The following IFRD1 variants were observed in gnomAD, a reference collection of about 807,000 sequenced individuals.
IFRD1 encodes the protein interferon-related developmental regulator 1.
A neutral mutation model predicts 52.9 loss-of-function variants in IFRD1; 35 were observed. That is an observed-to-expected ratio of 0.66 (90% CI 0.51 to 0.88). The LOEUF is 0.88. Ranked by LOEUF, IFRD1 falls within the 40% of genes least tolerant of loss-of-function variation. The pLI is 0.00. For missense variants in IFRD1, 517 were observed against 550.8 expected, an observed-to-expected ratio of 0.94 and a Z score of 0.61; for synonymous variants, 184 against 188.4, an observed-to-expected ratio of 0.98 and a Z score of 0.19.
intron 9 of IFRD1, among the ~76,000 whole-genome samples, chr7:112,471,837 C>T (rs1795755655): frequency 6.6e-6 from 1 of 152,072 alleles, no homozygotes; most frequent in South Asian, 2.1e-4. Context: ...ATCATTTCAC[C>T]CCCTGCTTGT....
At chr7:112,466,137 G>A (rs1396250866) in intron 8 of IFRD1, among the ~76,000 whole-genome samples, 1 of 151,772 alleles carries the variant, frequency 6.6e-6, no homozygotes, top group Non-Finnish European at 1.5e-5. Context: ...TTTCTTATTT[G>A]TCCCAGAGTG....
At chr7:112,473,505 A>G (rs1584505055) in intron 11 of IFRD1, among the ~76,000 whole-genome samples, 1 of 152,038 alleles carries the variant, frequency 6.6e-6, no homozygotes, top group South Asian at 2.1e-4. Flanking sequence ...GCTCACTGCA[A>G]CCTCTGCCTC....
chr7:112,423,986 A>T (rs1045741235), intron 1 of IFRD1, among the ~76,000 whole-genome samples: 1 of 152,186 alleles, frequency 6.6e-6, no homozygotes, highest in Non-Finnish European at 1.5e-5. Context: ...CGAGAGCGGG[A>T]TCTGTTATAA....
At chr7:112,454,857 GTTTTTTTTTTT>G (rs398005875) in intron 1 of IFRD1, among the ~76,000 whole-genome samples, 100 of 78,798 alleles carry the variant, frequency 1.3e-3, no homozygotes, top group Non-Finnish European at 1.8e-3. Context: ...CTTCATATCA[GTTTTTTTTTTT>G]TTTTTTTTTT....
chr7:112,423,455 T>A (rs533362849), intron 1 of IFRD1: 9 of 152,354 alleles, frequency 5.9e-5, no homozygotes, highest in African/African-American at 2.2e-4. Context: ...TCCATTTGCA[T>A]ATGAGAAAAC....
chr7:112,462,486 A>C, intron 8 of IFRD1, 108 bp downstream of exon 8: 9 of 771,020 alleles, frequency 1.2e-5, no homozygotes, highest in Middle Eastern at 2.3e-4. Context: ...GGCCAGCTTG[A>C]GAACCCAGTG....
chr7:112,468,489 C>T (rs1289551774), intron 9 of IFRD1, among the ~76,000 whole-genome samples: 3 of 151,994 alleles, frequency 2.0e-5, no homozygotes, highest in Non-Finnish European at 4.4e-5. Context: ...GACTCCAACC[C>T]AGCTTGATTG....
upstream of IFRD1, among the ~76,000 whole-genome samples, chr7:112,446,587 G>A (rs560340830): frequency 6.6e-6 from 1 of 152,192 alleles, no homozygotes; most frequent in African/African-American, 2.4e-5. Context: ...TAGGTGGGGT[G>A]AGGATGCGAC....
chr7:112,436,181 C>T (rs931193562), intron 1 of IFRD1, among the ~76,000 whole-genome samples: 6 of 151,942 alleles, frequency 3.9e-5, no homozygotes, highest in Non-Finnish European at 5.9e-5. Context: ...CGTGCCAGTC[C>T]GAATATTTTT....
chr7:112,468,883 T>C (rs1795680581), intron 9 of IFRD1, among the ~76,000 whole-genome samples: 1 of 152,254 alleles, frequency 6.6e-6, no homozygotes, highest in Non-Finnish European at 1.5e-5. Context: ...AAAATCATTA[T>C]CTGATGCTTG....
chr7:112,451,395 C>T (rs1290474164), intron 1 of IFRD1, among the ~76,000 whole-genome samples: 2 of 152,174 alleles, frequency 1.3e-5, no homozygotes, highest in Non-Finnish European at 2.9e-5. Context: ...GTGCTCCTTC[C>T]CCTAACTGGC....
chr7:112,448,757 G>C (rs78703630), upstream of IFRD1, among the ~76,000 whole-genome samples: 393 of 152,330 alleles, frequency 2.6e-3, 3 homozygotes, highest in African/African-American at 8.7e-3. Context: ...GAGTGTCAAA[G>C]AGTTGTGAGG....
chr7:112,464,943 G>GT (rs990816510), intron 8 of IFRD1, among the ~76,000 whole-genome samples: 8 of 152,188 alleles, frequency 5.3e-5, no homozygotes, highest in East Asian at 1.9e-4. Context: ...CATTCTTCTT[G>GT]TTTTTTTGCC....
intron 11 of IFRD1, 69 bp from the exon 12 acceptor site, chr7:112,475,361 A>G (rs1795873619): frequency 3.5e-6 from 3 of 845,774 alleles, no homozygotes; most frequent in Non-Finnish European, 6.0e-6. Flanking sequence ...TGTGACTTTT[A>G]CCCTTTTTCT....
intron 5 of IFRD1, among the ~76,000 whole-genome samples, chr7:112,460,459 C>T (rs1419263225): frequency 2.6e-5 from 4 of 151,826 alleles, no homozygotes; most frequent in Non-Finnish European, 5.9e-5. Context: ...CCCAGGCTGG[C>T]CTTGAGCTCC....
At position 112,455,859 on chromosome 7, in the gene IFRD1, C is replaced by G. The variant is rs375707852; in HGVS notation, c.191C>G (p.Ala64Gly). 2.6e-5 allele frequency: 41 copies of G among 1,604,518 alleles called. No homozygotes were observed. Among genetic ancestry groups the G allele is most frequent in the Non-Finnish European group, 6.0e-6 (7 of 1,171,464 alleles). Residue 64 changes from alanine (A) to glycine (G), a missense_variant, in exon 2 of 12, where the codon GCT (alanine) becomes GGT (glycine). Physicochemically the swap from Ala to Gly is moderately conservative, Grantham distance 60. Coordinates refer to ENST00000403825, the MANE Select transcript of IFRD1 (RefSeq NM_001550.4). ...CSGYSDPSSF[A>G]EDGPEVLDEE... The stretch of plus-strand genomic sequence containing the variant: ...GGTTATAGCGATCCTTCCAGTTTTG[C>G]TGAAGATGGTATGAGTTTTAAATTT...
Position 112,472,762 on chromosome 7 carries a change from T to C in IFRD1, c.1171-4T>C, listed in dbSNP as rs777847530. ...AGCCATACCACCTTTTTCTTTCACA[T>C]AAGTCAAATGAATTCCTTCGAAATG... On this transcript the variant is annotated splice_polypyrimidine_tract_variant and splice_region_variant and intron_variant, in intron 10 of 11. Transcript: ENST00000403825. The C allele has an allele frequency of 3.1e-6, 5 of 1,590,046 alleles. No individual in the cohort carries two copies. Among genetic ancestry groups the C allele is most frequent in the Non-Finnish European group, 4.3e-6 (5 of 1,158,048 alleles).
chr7:112,459,050 G>T, intron 5 of IFRD1, 32 bp downstream of exon 5: 1 of 1,572,928 alleles, frequency 6.4e-7, no homozygotes, highest in Non-Finnish European at 8.7e-7. Context: ...TTATAGATCT[G>T]TCTATTCATG....
Position 112,473,916 on chromosome 7 carries a change from C to G in IFRD1, c.1266+1055C>G, listed in dbSNP as rs554065817. 2.3e-3 allele frequency among the ~76,000 whole-genome samples: 354 copies of G among 152,314 alleles called. 1 individual carries two copies. The highest frequency in any genetic ancestry group is 7.9e-3 in the African/African-American group (330 of 41,566). ...AGCAGTCACTTCCCTTGTGCTACCC[C>G]CCGCCACTGGCAACCGCTAATCTGC... On this transcript the variant is annotated intron_variant, in intron 11 of 11. Coordinates refer to ENST00000403825, the MANE Select transcript of IFRD1 (RefSeq NM_001550.4).
Sources: allele counts gnomAD v4.1 joint callset (sites outside exome capture counted in the v4.1 genomes callset), GRCh38; gene constraint gnomAD v4.1.1; transcripts MANE v1.5; gene names NCBI Gene and HGNC (gene_info 2026-07-23, HGNC 2026-07-21).